Variants in IGBP1 observed in about 807,000 individuals in gnomAD.
The protein encoded by IGBP1 is immunoglobulin-binding protein 1.
A neutral mutation model predicts 25.9 loss-of-function variants in IGBP1; 2 were observed. That is an observed-to-expected ratio of 0.08 (90% confidence interval 0.03 to 0.24). IGBP1 has a LOEUF of 0.24. Among genes scored for constraint, IGBP1 ranks in the 10% least tolerant of loss-of-function variants. The pLI is 1.00. For synonymous variants in IGBP1, 96 were observed against 93.4 expected, an observed-to-expected ratio of 1.03 and a Z score of -0.16; for missense variants, 187 against 260.4, an observed-to-expected ratio of 0.72 and a Z score of 1.94.
chrX:70,154,714 C>CAAAAAAAAAAAAAAAAAAAAA lies in IGBP1; in HGVS notation c.871+4394_871+4414dup, dbSNP rs762954223. ...AGCAACATGGTAAGACCCCTCTCCACAAAAAAAAAAAAAAAAAAAAAAGTT... is the reference window on the plus strand; with the variant it reads ...AGCAACATGGTAAGACCCCTCTCCACAAAAAAAAAAAAAAAAAAAAAAAAAAAAAAAAAAAAAAAAAAAGTT... On this transcript the variant is annotated intron_variant, in intron 6 of 6. Coordinates refer to ENST00000356413, the MANE Select transcript of IGBP1 (RefSeq NM_001551.3). Among the ~76,000 whole-genome samples the CAAAAAAAAAAAAAAAAAAAAA allele has an allele frequency of 4.3e-3, 116 of 27,104 alleles. 13 individuals are homozygous for CAAAAAAAAAAAAAAAAAAAAA. The highest frequency in any genetic ancestry group is 0.012 in the African/African-American group (66 of 5,383). The allele number at this position is 27,104 out of a possible 115,157, so 23.5% of individuals were successfully genotyped here.
chrX:70,139,142 T>C (rs1923863917), intron 3 of IGBP1, among the ~76,000 whole-genome samples: 1 of 110,227 alleles, frequency 9.1e-6, no homozygotes, highest in African/African-American at 3.3e-5. Context: ...AAACCCCATC[T>C]CTACTAAAAA....
At chrX:70,143,535 C>A (rs2085145386) in intron 3 of IGBP1, among the ~76,000 whole-genome samples, 1 of 112,094 alleles carries the variant, frequency 8.9e-6, no homozygotes, top group African/African-American at 3.2e-5. Flanking sequence ...CTCTCTTCAA[C>A]AGCTTGGGAA....
At chrX:70,139,311 C>CAAAAAAAAAA (rs775830617) in intron 3 of IGBP1, among the ~76,000 whole-genome samples, 1 of 39,432 alleles carries the variant, frequency 2.5e-5, no homozygotes, top group African/African-American at 1.0e-4. Flanking sequence ...GACTCCGTCT[C>CAAAAAAAAAA]AAAAAAAAAA....
intron 6 of IGBP1, among the ~76,000 whole-genome samples, chrX:70,154,055 A>AT (rs36090746): frequency 1.5e-3 from 97 of 65,574 alleles, no homozygotes; most frequent in African/African-American, 3.9e-3. Context: ...CCATCACATA[A>AT]TTTTTTTTTT....
chrX:70,150,522 T>C (rs766208087), intron 6 of IGBP1, among the ~76,000 whole-genome samples, 200 bp downstream of exon 6: 1 of 111,478 alleles, frequency 9.0e-6, no homozygotes, highest in Non-Finnish European at 1.9e-5. Flanking sequence ...GATAGCATAG[T>C]TTGTAAATCT....
intron 6 of IGBP1, among the ~76,000 whole-genome samples, chrX:70,162,113 C>A (rs970969851): frequency 1.8e-5 from 2 of 111,818 alleles, no homozygotes; most frequent in African/African-American, 6.5e-5. Context: ...TAGTGACTTG[C>A]TTCCAGAGAC....
chrX:70,144,793 G>A (rs1201487813), intron 3 of IGBP1, among the ~76,000 whole-genome samples: 1 of 105,026 alleles, frequency 9.5e-6, no homozygotes. Flanking sequence ...CTGAGTAGCT[G>A]GAATTACAGG....
chrX:70,135,899 A>T (rs1402752301), intron 3 of IGBP1, among the ~76,000 whole-genome samples: 1 of 111,785 alleles, frequency 8.9e-6, no homozygotes, highest in East Asian at 2.8e-4. Flanking sequence ...GTGATTAATC[A>T]CTGTGATTTG....
intron 3 of IGBP1, among the ~76,000 whole-genome samples, chrX:70,135,961 A>G (rs1044037174): frequency 8.9e-5 from 10 of 111,979 alleles, no homozygotes; most frequent in African/African-American, 3.3e-4. Context: ...TGCAAAATTC[A>G]GATAATAATA....
chrX:70,134,450 C>G, intron 2 of IGBP1, 73 bp from the exon 3 acceptor site: 1 of 1,072,437 alleles, frequency 9.3e-7, no homozygotes, highest in South Asian at 1.9e-5. Flanking sequence ...GCCTCCCACT[C>G]CGTCCCCCAG....
chrX:70,154,296 T>C (rs1337505564), intron 6 of IGBP1, among the ~76,000 whole-genome samples: 11 of 105,672 alleles, frequency 1.0e-4, no homozygotes, highest in Non-Finnish European at 2.1e-4. Flanking sequence ...ATAGTCTCGA[T>C]CTCCTGACCT....
At chrX:70,156,184 A>T (rs913147766) in intron 6 of IGBP1, among the ~76,000 whole-genome samples, 2 of 110,597 alleles carry the variant, frequency 1.8e-5, no homozygotes, top group Non-Finnish European at 1.9e-5. Flanking sequence ...GAAACTGAGA[A>T]TTACCAAAAT....
chrX:70,140,137 G>T (rs148975481), intron 3 of IGBP1, among the ~76,000 whole-genome samples: 108 of 112,280 alleles, frequency 9.6e-4, no homozygotes, highest in African/African-American at 3.4e-3. Flanking sequence ...TGGCACTTGT[G>T]TGCAGTCATT....
At chrX:70,154,507 A>C (rs1434625004) in intron 6 of IGBP1, among the ~76,000 whole-genome samples, 2 of 107,873 alleles carry the variant, frequency 1.9e-5, no homozygotes, top group Non-Finnish European at 1.9e-5. Context: ...GATACTTGCA[A>C]AAGACTTATC....
chrX:70,141,575 C>T (rs1342908775), intron 3 of IGBP1, among the ~76,000 whole-genome samples: 1 of 111,306 alleles, frequency 9.0e-6, no homozygotes, highest in Non-Finnish European at 1.9e-5. Context: ...CTAATTATGT[C>T]GTTGTATATA....
chrX:70,137,596 GAAT>G (rs1254483993), intron 3 of IGBP1, among the ~76,000 whole-genome samples: 1 of 109,778 alleles, frequency 9.1e-6, no homozygotes, highest in African/African-American at 3.3e-5. Context: ...GGACCATGAG[GAAT>G]AATAAAGTTA....
Position 70,133,734 on chromosome X carries a change from T to A in IGBP1, c.-214T>A. On this transcript the variant is annotated 5_prime_UTR_variant, in exon 2 of 7. In the 5' UTR this introduces an upstream ATG that the reference lacks. Coordinates refer to ENST00000356413, the MANE Select transcript of IGBP1 (RefSeq NM_001551.3). ...TTTGCTTTTAACAGATGCCTACGAC[T>A]TGTAACGGGCTGCCTGGTAAAATGA... is the stretch of plus-strand genomic sequence containing the variant. 1 of 446,406 alleles carries A rather than the reference T, an allele frequency of 2.2e-6. No homozygotes were observed. Among genetic ancestry groups the A allele is most frequent in the Non-Finnish European group, 3.9e-6 (1 of 256,331 alleles). 36.8% of individuals were successfully genotyped at this position (446,406 alleles called of 1,213,427 possible).
At chrX:70,162,123 C>T (rs981964185) in intron 6 of IGBP1, among the ~76,000 whole-genome samples, 22 of 111,759 alleles carry the variant, frequency 2.0e-4, no homozygotes, top group Admixed American at 8.6e-4. Context: ...CTTCCAGAGA[C>T]TGCAATGTGG....
chrX:70,145,070 G>A (rs1602665970), intron 3 of IGBP1, among the ~76,000 whole-genome samples: 2 of 109,337 alleles, frequency 1.8e-5, no homozygotes, highest in African/African-American at 6.6e-5. Context: ...AAGCATACAG[G>A]TAGAGTTCTG....
Sources: allele counts gnomAD v4.1 joint callset (sites outside exome capture counted in the v4.1 genomes callset), GRCh38; gene constraint gnomAD v4.1.1; transcripts MANE v1.5; gene names NCBI Gene and HGNC (gene_info 2026-07-23, HGNC 2026-07-21).